EDIL3: variants seen among roughly 807,000 people sequenced by gnomAD.
The protein encoded by EDIL3 is EGF like and discoidin domains 3.
Under a neutral mutation model 67.4 loss-of-function variants are expected in EDIL3, and 37 were observed. The observed-to-expected ratio is 0.55, with a 90% CI of 0.42 to 0.72. The LOEUF is 0.72. Ranked by LOEUF, EDIL3 falls within the 30% of genes least tolerant of loss-of-function variation. The pLI is 0.00. For synonymous variants in EDIL3, 195 were observed against 196.3 expected, an observed-to-expected ratio of 0.99 and a Z score of 0.05; for missense variants, 527 against 586.3, an observed-to-expected ratio of 0.90 and a Z score of 1.04.
intron 1 of EDIL3, among the ~76,000 whole-genome samples, chr5:84,283,533 T>G (rs1745745199): frequency 6.6e-6 from 1 of 152,158 alleles, no homozygotes; most frequent in Non-Finnish European, 1.5e-5. Flanking sequence ...CTTAAAAACC[T>G]TCAGTGGTGC....
chr5:84,250,600 A>G (rs147267913), intron 2 of EDIL3, among the ~76,000 whole-genome samples: 360 of 152,340 alleles, frequency 2.4e-3, no homozygotes, highest in Non-Finnish European at 4.1e-3. Context: ...AAACAAAGCT[A>G]CTGCAAAGTA....
At chr5:83,958,160 C>T (rs551588421) in intron 10 of EDIL3, among the ~76,000 whole-genome samples, 2 of 151,522 alleles carry the variant, frequency 1.3e-5, no homozygotes, top group Admixed American at 1.3e-4. Context: ...AAACAGAAAA[C>T]TACACTTAGT....
At chr5:84,292,168 T>A (rs1056127970) in intron 1 of EDIL3, among the ~76,000 whole-genome samples, 2 of 152,136 alleles carry the variant, frequency 1.3e-5, no homozygotes, top group African/African-American at 4.8e-5. Context: ...CCACCCTGTC[T>A]GTGGTACTTT....
intron 9 of EDIL3, among the ~76,000 whole-genome samples, chr5:84,054,191 G>A (rs868815290): frequency 5.9e-5 from 9 of 152,246 alleles, no homozygotes; most frequent in Middle Eastern, 6.8e-3. Flanking sequence ...CATATAAACA[G>A]AACCAAAGAC....
rs890615027 is a variant in EDIL3 at position 84,027,223 on chromosome 5, G to T, written c.1137+33077C>A. Reference sequence around the variant, plus strand: ...AAGACATTACCATGGAGAACAGCATGTGTCGCTTACTATAAGAGTGTCTAC... The same window carrying T: ...AAGACATTACCATGGAGAACAGCATTTGTCGCTTACTATAAGAGTGTCTAC... On this transcript the variant is annotated intron_variant, in intron 9 of 10. Transcript: ENST00000296591. Among the ~76,000 whole-genome samples, 6 of 152,198 alleles carry T rather than the reference G, an allele frequency of 3.9e-5. No individual in the cohort carries two copies. In the South Asian group the frequency reaches 1.2e-3, roughly 31 times the overall value.
At chr5:84,170,691 A>T (rs1748797512) in intron 4 of EDIL3, among the ~76,000 whole-genome samples, 1 of 152,198 alleles carries the variant, frequency 6.6e-6, no homozygotes, top group East Asian at 1.9e-4. Context: ...AGGAAATTTG[A>T]ATTACATGCA....
chr5:84,193,261 G>A (rs1403591850), intron 3 of EDIL3, among the ~76,000 whole-genome samples: 1 of 151,916 alleles, frequency 6.6e-6, no homozygotes. Flanking sequence ...CAGGCGAAGT[G>A]TGATAGGACG....
At chr5:84,275,543 T>C (rs1411052998) in intron 1 of EDIL3, among the ~76,000 whole-genome samples, 2 of 152,228 alleles carry the variant, frequency 1.3e-5, no homozygotes, top group Non-Finnish European at 2.9e-5. Context: ...GTTGGTCTCA[T>C]TTACAAACTG....
chr5:84,124,160 A>C (rs893852066), intron 5 of EDIL3, among the ~76,000 whole-genome samples: 6 of 152,060 alleles, frequency 3.9e-5, no homozygotes, highest in Admixed American at 3.3e-4. Flanking sequence ...GGTATTACCA[A>C]AGAGAAAATT....
chr5:84,052,605 T>G (rs1405397649), intron 9 of EDIL3, among the ~76,000 whole-genome samples: 2 of 151,958 alleles, frequency 1.3e-5, no homozygotes, highest in Admixed American at 6.6e-5. Context: ...AATAAAGGGA[T>G]GGAGGAAGAT....
At chr5:83,951,239 A>T (rs1421409253) in intron 10 of EDIL3, among the ~76,000 whole-genome samples, 1 of 151,788 alleles carries the variant, frequency 6.6e-6, no homozygotes, top group Non-Finnish European at 1.5e-5. Flanking sequence ...CTCTAAAAAA[A>T]TTATTTCCAT....
chr5:83,959,388 T>G (rs547308918), intron 10 of EDIL3, among the ~76,000 whole-genome samples: 2 of 150,882 alleles, frequency 1.3e-5, no homozygotes, highest in Non-Finnish European at 3.0e-5. Context: ...TGAAGTAATC[T>G]TGTGTCTGGA....
chr5:84,098,811 A>C (rs1388083960), intron 6 of EDIL3, among the ~76,000 whole-genome samples: 8 of 152,190 alleles, frequency 5.3e-5, no homozygotes, highest in Non-Finnish European at 7.4e-5. Flanking sequence ...AAAGTTAGAA[A>C]GATCTCCATT....
intron 5 of EDIL3, among the ~76,000 whole-genome samples, chr5:84,130,648 C>G (rs1747948250): frequency 6.6e-6 from 1 of 152,034 alleles, no homozygotes; most frequent in Admixed American, 6.6e-5. Context: ...TTATATAAAA[C>G]TATAATCTCT....
intron 3 of EDIL3, among the ~76,000 whole-genome samples, chr5:84,207,452 G>A (rs555496500): frequency 2.0e-4 from 31 of 152,236 alleles, no homozygotes; most frequent in Admixed American, 7.2e-4. Flanking sequence ...AATCAATATC[G>A]TGAAAATGGT....
At chr5:84,016,576 T>C (rs1440360225) in intron 9 of EDIL3, among the ~76,000 whole-genome samples, 1 of 152,200 alleles carries the variant, frequency 6.6e-6, no homozygotes. Flanking sequence ...ATTCCACACC[T>C]GATCTCACAT....
At chr5:84,010,476 A>G (rs1309821305) in intron 9 of EDIL3, among the ~76,000 whole-genome samples, 1 of 151,870 alleles carries the variant, frequency 6.6e-6, no homozygotes, top group Non-Finnish European at 1.5e-5. Context: ...CAAAATTATT[A>G]TTTTTCCAAA....
intron 3 of EDIL3, among the ~76,000 whole-genome samples, chr5:84,205,966 G>C (rs1580376338): frequency 1.3e-5 from 2 of 151,982 alleles, no homozygotes; most frequent in African/African-American, 4.8e-5. Context: ...TTTTGAATGT[G>C]TTTGCTCTTG....
At chr5:84,283,310 T>C (rs1021569492) in intron 1 of EDIL3, among the ~76,000 whole-genome samples, 3 of 152,338 alleles carry the variant, frequency 2.0e-5, no homozygotes, top group South Asian at 4.1e-4. Flanking sequence ...TAACTATTCA[T>C]GTTTAGTTAG....
Sources: gnomAD v4.1 joint callset for allele counts (sites outside exome capture counted in the v4.1 genomes callset) on GRCh38, gnomAD v4.1.1 for gene constraint, MANE v1.5 for transcripts, NCBI Gene and HGNC (gene_info 2026-07-23, HGNC 2026-07-21) for gene names.